MYLK4: variants seen among roughly 807,000 people sequenced by gnomAD.
MYLK4 encodes myosin light chain kinase family member 4.
Under a neutral mutation model 48.1 loss-of-function variants are expected in MYLK4, and 46 were observed. The ratio of observed to expected loss-of-function variants is 0.96; its 90% CI spans 0.75 to 1.22. The LOEUF (loss-of-function observed/expected upper bound fraction) is 1.22. MYLK4 is among the 50% of genes most tolerant of loss of function. MYLK4 has a pLI of 0.00. For missense variants in MYLK4, 451 were observed against 486.1 expected (o/e 0.93, Z 0.68); for synonymous variants, 170 against 180.8 (o/e 0.94, Z 0.48).
chr6:2,713,745 C>CA (rs1176827256), intron 2 of MYLK4, among the ~76,000 whole-genome samples: 2 of 152,206 alleles, frequency 1.3e-5, no homozygotes, highest in Non-Finnish European at 2.9e-5. Context: ...CCAGGTGGTA[C>CA]AGCCAGTACC....
chr6:2,763,389 C>T, the MYLK4 span, among the ~76,000 whole-genome samples: 3 of 152,200 alleles, frequency 2.0e-5, no homozygotes, highest in Non-Finnish European at 4.4e-5. Context: ...AGGCAGTAAG[C>T]AGCGCTTCTC....
At chr6:2,734,312 C>T (rs1763581713) in intron 2 of MYLK4, among the ~76,000 whole-genome samples, 2 of 152,150 alleles carry the variant, frequency 1.3e-5, no homozygotes, top group Non-Finnish European at 2.9e-5. Context: ...GGTCTGTCAG[C>T]GTCTGTCACA....
At chr6:2,679,996 A>T (rs971280495) in intron 8 of MYLK4, among the ~76,000 whole-genome samples, 1 of 152,164 alleles carries the variant, frequency 6.6e-6, no homozygotes, top group Non-Finnish European at 1.5e-5. Flanking sequence ...AATAAACTTC[A>T]CTGTATTAGG....
At position 2,666,837 on chromosome 6, in the gene MYLK4, T is replaced by C. The variant is rs1760674511; in HGVS notation, c.*1088A>G. 2.6e-5 allele frequency: 4 copies of C among 152,250 alleles called. No homozygotes were observed. Among genetic ancestry groups the C allele is most frequent in the Admixed American group, 2.6e-4 (4 of 15,284 alleles). The allele number at this position is 152,250 out of a possible 1,614,324, so 9.4% of individuals were successfully genotyped here. A position where few individuals can be genotyped will look rare whatever the true frequency, so the allele number is the denominator to read the frequency against. ...ACCTTCCAACTGGAACGTTCCAACATTCTCACGTCCAGCAGGTGAGCTTGC... is the reference window on the plus strand; with the variant it reads ...ACCTTCCAACTGGAACGTTCCAACACTCTCACGTCCAGCAGGTGAGCTTGC... On this transcript the variant is annotated 3_prime_UTR_variant, in exon 13 of 13. Transcript: ENST00000274643.
intron 2 of MYLK4, among the ~76,000 whole-genome samples, chr6:2,746,630 A>G (rs1425999300): frequency 6.6e-6 from 1 of 152,212 alleles, no homozygotes; most frequent in African/African-American, 2.4e-5. Context: ...AATTCAGAGT[A>G]CATTCTTTCC....
intron 8 of MYLK4, 137 bp downstream of exon 8, chr6:2,680,084 G>C: frequency 9.7e-7 from 1 of 1,033,832 alleles, no homozygotes; most frequent in Admixed American, 2.7e-5. Flanking sequence ...GCAAGTTAAG[G>C]CCAAACATAA....
Position 2,671,316 on chromosome 6 carries a change from G to A in MYLK4, c.1152C>T (p.Asp384=). 6.2e-7 allele frequency: 1 copy of A among 1,614,044 alleles called. No homozygotes were observed. The highest frequency in any genetic ancestry group is 8.5e-7 in the Non-Finnish European group (1 of 1,179,988). The change falls in exon 12 of 13, where the codon GAC becomes GAT. Residue 384 remains aspartate, a synonymous_variant. Transcript: ENST00000274643. ...KKKNRGSDAQ[D]FVTK ...CTCCTGTAGACTATTTGGTCACAAA[G>A]TCCTGGGCATCAGAGCCACGATTCT...
chr6:2,681,473 G>A (rs923505886), intron 7 of MYLK4, among the ~76,000 whole-genome samples: 20 of 152,174 alleles, frequency 1.3e-4, no homozygotes, highest in Non-Finnish European at 2.5e-4. Context: ...CATGTATAAA[G>A]CTGTCCAATT....
chr6:2,765,423 C>A, the MYLK4 span: 1 of 525,772 alleles, frequency 1.9e-6, no homozygotes, highest in Non-Finnish European at 2.8e-6. Context: ...TGAGGCGCTG[C>A]CAGCGGCCGG....
intron 2 of MYLK4, among the ~76,000 whole-genome samples, chr6:2,709,675 T>C (rs1762605312): frequency 6.6e-6 from 1 of 152,244 alleles, no homozygotes; most frequent in Non-Finnish European, 1.5e-5. Flanking sequence ...AGTCACAGAT[T>C]GAATTGAGTT....
the MYLK4 span, among the ~76,000 whole-genome samples, chr6:2,764,134 AAAT>A: frequency 3.3e-5 from 5 of 152,290 alleles, no homozygotes; most frequent in South Asian, 4.1e-4. Context: ...CGTCTCAAAA[AAAT>A]AATGAAAGCT....
chr6:2,763,976 A>G, the MYLK4 span, among the ~76,000 whole-genome samples: 1 of 152,126 alleles, frequency 6.6e-6, no homozygotes, highest in Admixed American at 6.5e-5. Flanking sequence ...CTAAAAATCC[A>G]AAAAAATTAC....
At chr6:2,701,665 G>C (rs1040430190) in intron 2 of MYLK4, among the ~76,000 whole-genome samples, 1 of 152,206 alleles carries the variant, frequency 6.6e-6, no homozygotes, top group African/African-American at 2.4e-5. Context: ...AATCAGTTAT[G>C]ACTGTCCCCA....
At chr6:2,745,039 G>A (rs916682943) in intron 2 of MYLK4, among the ~76,000 whole-genome samples, 1 of 152,170 alleles carries the variant, frequency 6.6e-6, no homozygotes, top group Non-Finnish European at 1.5e-5. Context: ...GGGTGAACAG[G>A]CAGGTGGGGA....
At chr6:2,758,809 G>T in the MYLK4 span, among the ~76,000 whole-genome samples, 1 of 152,110 alleles carries the variant, frequency 6.6e-6, no homozygotes, top group African/African-American at 2.4e-5. Context: ...AGTGTGTATA[G>T]ATGTCTTTAG....
chr6:2,741,132 A>G (rs1373615983), intron 2 of MYLK4, among the ~76,000 whole-genome samples: 3 of 152,228 alleles, frequency 2.0e-5, no homozygotes, highest in African/African-American at 7.2e-5. Context: ...GAATAAAGAT[A>G]GCATGTAAAT....
intron 12 of MYLK4, among the ~76,000 whole-genome samples, chr6:2,670,677 TAGGTGG>T (rs1561826891): frequency 6.6e-6 from 1 of 152,128 alleles, no homozygotes; most frequent in Non-Finnish European, 1.5e-5. Flanking sequence ...ACACCTGAGC[TAGGTGG>T]AGGTCCGCAT....
At chr6:2,765,706 C>G in the MYLK4 span, 1 of 1,546,352 alleles carries the variant, frequency 6.5e-7, no homozygotes, top group Admixed American at 1.8e-5. Flanking sequence ...AGATGATGCC[C>G]GCCGCGCACA....
intron 2 of MYLK4, among the ~76,000 whole-genome samples, chr6:2,725,236 T>A (rs570599640): frequency 2.6e-5 from 4 of 152,078 alleles, no homozygotes; most frequent in Admixed American, 2.6e-4. Context: ...AGTGAGAGGA[T>A]TGCTTGAGGC....
Sources: gnomAD v4.1 joint callset for allele counts (sites outside exome capture counted in the v4.1 genomes callset) on GRCh38, gnomAD v4.1.1 for gene constraint, MANE v1.5 for transcripts, NCBI Gene and HGNC (gene_info 2026-07-23, HGNC 2026-07-21) for gene names.